SIPA1L1: variants seen among roughly 807,000 people sequenced by gnomAD.
The protein encoded by SIPA1L1 is signal-induced proliferation-associated 1-like protein 1.
SIPA1L1 carries 26 observed loss-of-function variants against 162.7 expected under a neutral mutation model. The observed-to-expected ratio is 0.16, with a 90% confidence interval of 0.12 to 0.22. SIPA1L1 has a LOEUF of 0.22. Ranked by LOEUF, SIPA1L1 falls within the 10% of genes least tolerant of loss-of-function variation. SIPA1L1 has a pLI of 1.00. For synonymous variants in SIPA1L1, 829 were observed against 837.4 expected, an observed-to-expected ratio of 0.99 and a Z score of 0.17; for missense variants, 1,874 against 2,241.0, an observed-to-expected ratio of 0.84 and a Z score of 3.31.
At chr14:71,695,635 G>A (rs2081570338) in intron 13 of SIPA1L1, among the ~76,000 whole-genome samples, 1 of 152,140 alleles carries the variant, frequency 6.6e-6, no homozygotes, top group Non-Finnish European at 1.5e-5. Flanking sequence ...GGCATTGCTT[G>A]TTTACCCCTA....
At chr14:71,438,215 CT>C (rs749476531) in intron 2 of SIPA1L1, among the ~76,000 whole-genome samples, 1 of 152,044 alleles carries the variant, frequency 6.6e-6, no homozygotes, top group African/African-American at 2.4e-5. Context: ...GCTAGGTATG[CT>C]TTTTTTTCTC....
intron 4 of SIPA1L1, among the ~76,000 whole-genome samples, chr14:71,573,011 CG>C (rs1408688337): frequency 3.3e-5 from 5 of 151,998 alleles, no homozygotes; most frequent in East Asian, 1.9e-4. Context: ...ACATTTACTA[CG>C]TAAGATTGAC....
chr14:71,382,235 G>A (rs1398547507), intron 2 of SIPA1L1, among the ~76,000 whole-genome samples: 3 of 152,182 alleles, frequency 2.0e-5, no homozygotes, highest in Non-Finnish European at 4.4e-5. Flanking sequence ...CTTTCACTAG[G>A]GAGAAAGGCG....
intron 4 of SIPA1L1, among the ~76,000 whole-genome samples, chr14:71,582,462 A>G (rs117794266): frequency 8.4e-4 from 128 of 152,270 alleles, no homozygotes; most frequent in African/African-American, 2.4e-3. Context: ...TATACAAACT[A>G]TATTCAAGCT....
chr14:71,735,763 C>CTT (rs1175404950), intron 22 of SIPA1L1, among the ~76,000 whole-genome samples: 1 of 152,144 alleles, frequency 6.6e-6, no homozygotes, highest in African/African-American at 2.4e-5. Flanking sequence ...GATGGTCATG[C>CTT]TTATACATGC....
At chr14:71,481,034 T>G (rs1401483431) in intron 2 of SIPA1L1, among the ~76,000 whole-genome samples, 1 of 152,254 alleles carries the variant, frequency 6.6e-6, no homozygotes, top group Non-Finnish European at 1.5e-5. Flanking sequence ...TCATTCACTT[T>G]CCTGTTTACC....
At chr14:71,406,496 A>T (rs1441213770) in intron 2 of SIPA1L1, among the ~76,000 whole-genome samples, 1 of 152,206 alleles carries the variant, frequency 6.6e-6, no homozygotes, top group East Asian at 1.9e-4. Context: ...TCGTGTCTTC[A>T]TGGTTATCAA....
intron 2 of SIPA1L1, among the ~76,000 whole-genome samples, chr14:71,493,545 G>A (rs2049467707): frequency 6.6e-6 from 1 of 152,172 alleles, no homozygotes; most frequent in Admixed American, 6.5e-5. Context: ...CTTTCATTAT[G>A]TTTCTCCAAG....
At chr14:71,450,153 A>T (rs1045663947) in intron 2 of SIPA1L1, among the ~76,000 whole-genome samples, 1 of 152,172 alleles carries the variant, frequency 6.6e-6, no homozygotes, top group Non-Finnish European at 1.5e-5. Context: ...GATTATTTAC[A>T]TTCTTGATAG....
At chr14:71,551,251 G>C (rs754021220) in intron 4 of SIPA1L1, among the ~76,000 whole-genome samples, 2 of 152,196 alleles carry the variant, frequency 1.3e-5, no homozygotes, top group South Asian at 4.1e-4. Flanking sequence ...CTTGATGTGT[G>C]TCTAGGGTAA....
intron 3 of SIPA1L1, among the ~76,000 whole-genome samples, chr14:71,526,136 A>G (rs889513902): frequency 1.3e-5 from 2 of 152,246 alleles, no homozygotes; most frequent in African/African-American, 4.8e-5. Context: ...TGCTATGAGA[A>G]AGCATCCACT....
In SIPA1L1 at chr14:71,546,561, T is replaced by C. The variant is rs138532971; in HGVS notation, c.-303+17191T>C. Reference sequence around the variant, plus strand: ...CACGCCTGGCTAATTTTTGCATTTTTAGTAGAGATGGGGTTTCATCATGCT... The same window carrying C: ...CACGCCTGGCTAATTTTTGCATTTTCAGTAGAGATGGGGTTTCATCATGCT... On this transcript the variant is annotated intron_variant, in intron 4 of 23. Coordinates refer to ENST00000381232, the MANE Select transcript of SIPA1L1 (RefSeq NM_001386936.1). Among the ~76,000 whole-genome samples the C allele has an allele frequency of 2.3e-3, 357 of 152,176 alleles. 9 individuals carry two copies. The East Asian group carries it at 0.062, about 26-fold the overall frequency.
intron 4 of SIPA1L1, chr14:71,573,779 C>A (rs1390537102): frequency 1.1e-5 from 5 of 452,620 alleles, no homozygotes; most frequent in Non-Finnish European, 1.8e-5. Flanking sequence ...TTAACTTTGT[C>A]ACTGTTAACA....
Position 71,681,517 on chromosome 14 carries a change from CA to C in SIPA1L1, c.3105-3844del, listed in dbSNP as rs2045806328. Among the ~76,000 whole-genome samples, 6 of 152,336 alleles carry C rather than the reference CA, an allele frequency of 3.9e-5. No individual in the cohort carries two copies. The South Asian group carries it at 1.2e-3, about 32-fold the overall frequency. ...TTACCTCTTAAATAAGAATAGGTCACAGCATTTTTTCTTCATTTTAAAAATC... is the reference window on the plus strand; with the variant it reads ...TTACCTCTTAAATAAGAATAGGTCACGCATTTTTTCTTCATTTTAAAAATC... On this transcript the variant is annotated intron_variant, in intron 12 of 23. Transcript: ENST00000381232.
intron 17 of SIPA1L1, among the ~76,000 whole-genome samples, chr14:71,719,006 T>G (rs1245754698): frequency 6.6e-6 from 1 of 152,106 alleles, no homozygotes; most frequent in Non-Finnish European, 1.5e-5. Flanking sequence ...TGGTGTGAAC[T>G]TGGCTCACTG....
At chr14:71,336,832 C>T (rs1276731489) in intron 2 of SIPA1L1, among the ~76,000 whole-genome samples, 3 of 152,182 alleles carry the variant, frequency 2.0e-5, no homozygotes, top group African/African-American at 7.2e-5. Context: ...TGATTCTTCC[C>T]TTTCTTTTAC....
intron 2 of SIPA1L1, among the ~76,000 whole-genome samples, chr14:71,387,438 C>T (rs1595160931): frequency 6.6e-6 from 1 of 151,808 alleles, no homozygotes; most frequent in Non-Finnish European, 1.5e-5. Flanking sequence ...ATCATGCCAC[C>T]CTGTCTAAGG....
chr14:71,552,942 T>G (rs1161599412), intron 4 of SIPA1L1, among the ~76,000 whole-genome samples: 1 of 152,100 alleles, frequency 6.6e-6, no homozygotes, highest in Non-Finnish European at 1.5e-5. Flanking sequence ...ATAATTTTGT[T>G]GTGAAGGGCT....
intron 12 of SIPA1L1, among the ~76,000 whole-genome samples, chr14:71,680,001 A>G (rs2045636293): frequency 6.6e-6 from 1 of 152,266 alleles, no homozygotes; most frequent in East Asian, 1.9e-4. Context: ...TTATCACCCG[A>G]CTGTCAACAT....
Sources: allele counts gnomAD v4.1 joint callset (sites outside exome capture counted in the v4.1 genomes callset), GRCh38; gene constraint gnomAD v4.1.1; transcripts MANE v1.5; gene names NCBI Gene and HGNC (gene_info 2026-07-23, HGNC 2026-07-21).